CSGALNACT1: variants seen among roughly 807,000 people sequenced by gnomAD.
CSGALNACT1 encodes beta4GalNAcT-1.
CSGALNACT1 carries 52 observed loss-of-function variants against 51.0 expected under a neutral mutation model. The ratio of observed to expected loss-of-function variants is 1.02; its 90% CI spans 0.82 to 1.29. The LOEUF (loss-of-function observed/expected upper bound fraction) is 1.29. CSGALNACT1 is among the 50% of genes most tolerant of loss of function. CSGALNACT1 has a pLI of 0.00. For missense variants in CSGALNACT1, 935 were observed against 679.2 expected (o/e 1.38, Z -4.19); for synonymous variants, 341 against 254.4 (o/e 1.34, Z -3.24).
chr8:19,458,374 T>C (rs2064585690), intron 5 of CSGALNACT1, 52 bp downstream of exon 4: 3 of 1,370,872 alleles, frequency 2.2e-6, no homozygotes, highest in South Asian at 1.2e-5. Flanking sequence ...ATGATATCAG[T>C]GTTCTAACAC....
chr8:19,702,012 A>G (rs566787165), intron 1 of CSGALNACT1, among the ~76,000 whole-genome samples: 22 of 152,312 alleles, frequency 1.4e-4, no homozygotes, highest in Non-Finnish European at 2.8e-4. Context: ...TTAGGAACTG[A>G]GATTCTTACA....
chr8:19,430,528 T>C (rs1028054394), intron 6 of CSGALNACT1, among the ~76,000 whole-genome samples: 4 of 152,190 alleles, frequency 2.6e-5, no homozygotes, highest in African/African-American at 7.2e-5. Flanking sequence ...CATAAATGTA[T>C]AGGTTTATTT....
intron 3 of CSGALNACT1, among the ~76,000 whole-genome samples, chr8:19,513,405 TCTCTCTCTCA>T (rs1451764483): frequency 5.5e-4 from 2 of 3,666 alleles, no homozygotes; most frequent in African/African-American, 1.4e-3. Flanking sequence ...CATAGAATTT[TCTCTCTCTCA>T]CTCTCTCTCT....
chr8:19,538,660 T>A (rs1588029304), intron 3 of CSGALNACT1, among the ~76,000 whole-genome samples: 1 of 151,868 alleles, frequency 6.6e-6, no homozygotes, highest in East Asian at 1.9e-4. Context: ...CCGGGGGAGG[T>A]ACAGGCTGGG....
chr8:19,448,573 G>A (rs1222417464), intron 5 of CSGALNACT1, among the ~76,000 whole-genome samples: 1 of 152,162 alleles, frequency 6.6e-6, no homozygotes, highest in African/African-American at 2.4e-5. Context: ...CTAAAAGGCT[G>A]AGAGGAGAGC....
chr8:19,655,974 T>C (rs2058236993), intron 1 of CSGALNACT1, among the ~76,000 whole-genome samples: 1 of 152,104 alleles, frequency 6.6e-6, no homozygotes. Context: ...ACGGGTGTCT[T>C]CTCAGAGGAT....
chr8:19,604,873 C>T (rs1335125966), upstream of CSGALNACT1, among the ~76,000 whole-genome samples: 12 of 149,946 alleles, frequency 8.0e-5, no homozygotes, highest in Admixed American at 2.0e-4. Context: ...CAAGATCGCG[C>T]CACTGCCCTC....
chr8:19,705,398 GAAT>G (rs1286477580), intron 1 of CSGALNACT1, among the ~76,000 whole-genome samples: 4 of 152,092 alleles, frequency 2.6e-5, no homozygotes, highest in Admixed American at 2.0e-4. Context: ...ACATGTTTTT[GAAT>G]AATATTTAGA....
intron 5 of CSGALNACT1, among the ~76,000 whole-genome samples, chr8:19,449,734 A>C (rs2062758046): frequency 6.6e-6 from 1 of 152,180 alleles, no homozygotes; most frequent in East Asian, 1.9e-4. Context: ...GGAGGAATAT[A>C]GCAACATGAA....
chr8:19,541,452 C>T (rs2085106495), intron 3 of CSGALNACT1, among the ~76,000 whole-genome samples: 1 of 150,720 alleles, frequency 6.6e-6, no homozygotes, highest in Admixed American at 6.6e-5. Context: ...TGGGGTTTCA[C>T]TATGTTAGCC....
At chr8:19,503,843 T>C (rs2076835463) in intron 4 of CSGALNACT1, among the ~76,000 whole-genome samples, 1 of 152,044 alleles carries the variant, frequency 6.6e-6, no homozygotes, top group African/African-American at 2.4e-5. Context: ...TACCTGGCTC[T>C]AGGCACATAA....
At chr8:19,404,195 A>G in exon 10 of CSGALNACT1, 1 of 380,050 alleles carries the variant, frequency 2.6e-6, no homozygotes, top group South Asian at 2.0e-5. Context: ...TAGCTGTGCA[A>G]TACCACCTTC....
chr8:19,505,597 C>A (rs750967137), exon 4 of CSGALNACT1: 3 of 1,614,046 alleles, frequency 1.9e-6, no homozygotes, highest in African/African-American at 2.7e-5. Context: ...TTGAGCTGTG[C>A]GATCTGCCGC....
chr8:19,413,749 A>G (rs2056344312), intron 8 of CSGALNACT1, among the ~76,000 whole-genome samples: 1 of 152,196 alleles, frequency 6.6e-6, no homozygotes, highest in Non-Finnish European at 1.5e-5. Flanking sequence ...ACTGACGGGT[A>G]AGACCACATG....
intron 8 of CSGALNACT1, among the ~76,000 whole-genome samples, chr8:19,416,404 C>T (rs1288510266): frequency 4.6e-5 from 7 of 152,060 alleles, no homozygotes; most frequent in African/African-American, 1.7e-4. Context: ...TGGGCCACCA[C>T]ACCCGGCCAA....
At chr8:19,694,376 C>T (rs758150525) in intron 1 of CSGALNACT1, among the ~76,000 whole-genome samples, 10 of 152,204 alleles carry the variant, frequency 6.6e-5, no homozygotes, top group Non-Finnish European at 1.0e-4. Context: ...TTTCAAGTCT[C>T]GCATTCCAAA....
intron 1 of CSGALNACT1, among the ~76,000 whole-genome samples, chr8:19,672,669 A>T (rs868478136): frequency 1.3e-5 from 2 of 152,342 alleles, no homozygotes; most frequent in Middle Eastern, 6.8e-3. Flanking sequence ...ATAAATGAAA[A>T]GCATCTTTTT....
chr8:19,728,474 G>T (rs537599510), intron 1 of CSGALNACT1, among the ~76,000 whole-genome samples: 1 of 152,256 alleles, frequency 6.6e-6, no homozygotes, highest in South Asian at 2.1e-4. Flanking sequence ...TCAACTCACT[G>T]GTGTGAGCTG....
At chr8:19,436,903 C>G (rs1207486754) in intron 6 of CSGALNACT1, among the ~76,000 whole-genome samples, 2 of 152,160 alleles carry the variant, frequency 1.3e-5, no homozygotes, top group Non-Finnish European at 2.9e-5. Flanking sequence ...AGAGCAAGAC[C>G]TTGTCTCAAA....
Sources: gnomAD v4.1 joint callset for allele counts (sites outside exome capture counted in the v4.1 genomes callset) on GRCh38, gnomAD v4.1.1 for gene constraint, MANE v1.5 for transcripts, NCBI Gene and HGNC (gene_info 2026-07-23, HGNC 2026-07-21) for gene names.